Variants in MEF2C observed in about 807,000 individuals in gnomAD.
The protein encoded by MEF2C is myocyte-specific enhancer factor 2C.
Under a neutral mutation model 50.5 loss-of-function variants are expected in MEF2C, and 6 were observed. The ratio of observed to expected loss-of-function variants is 0.12; its 90% confidence interval spans 0.07 to 0.23. The LOEUF (loss-of-function observed/expected upper bound fraction) is 0.23. Among genes scored for constraint, MEF2C ranks in the 10% least tolerant of loss-of-function variants. The pLI is 1.00. For synonymous variants in MEF2C, 183 were observed against 228.0 expected (o/e 0.80, Z 1.78); for missense variants, 276 against 605.0 (o/e 0.46, Z 5.70).
At chr5:88,733,833 C>G (rs1288905646) in intron 6 of MEF2C, 1 of 985,196 alleles carries the variant, frequency 1.0e-6, no homozygotes, top group African/African-American at 1.7e-5. Flanking sequence ...TGTTAAGTGA[C>G]AGGACTCACT....
intron 3 of MEF2C, chr5:88,771,540 T>C: frequency 1.0e-6 from 1 of 985,462 alleles, no homozygotes. Context: ...TTTTTTAACA[T>C]GTCTGCTTCA....
intron 1 of MEF2C, among the ~76,000 whole-genome samples, chr5:88,824,622 T>A (rs1810021352): frequency 6.6e-6 from 1 of 151,916 alleles, no homozygotes; most frequent in Non-Finnish European, 1.5e-5. Flanking sequence ...TCAAAAAAGA[T>A]AAGCATTGAC....
chr5:88,727,819 G>C (rs1427455545), intron 10 of MEF2C, among the ~76,000 whole-genome samples: 1 of 151,878 alleles, frequency 6.6e-6, no homozygotes, highest in Non-Finnish European at 1.5e-5. Context: ...TGTGAATTCA[G>C]AGCTTTTTAA....
chr5:88,845,295 G>C (rs1262926149), intron 1 of MEF2C, among the ~76,000 whole-genome samples: 1 of 152,166 alleles, frequency 6.6e-6, no homozygotes, highest in East Asian at 1.9e-4. Context: ...GGAAGGAAAA[G>C]TTTTTAAATG....
chr5:88,826,757 G>A (rs1811039425), intron 1 of MEF2C, among the ~76,000 whole-genome samples: 2 of 151,932 alleles, frequency 1.3e-5, no homozygotes, highest in African/African-American at 4.8e-5. Flanking sequence ...TAGCCTACAT[G>A]TAGTAAAATT....
intron 10 of MEF2C, among the ~76,000 whole-genome samples, chr5:88,727,772 TA>T (rs1349048102): frequency 6.6e-6 from 1 of 150,882 alleles, no homozygotes; most frequent in Non-Finnish European, 1.5e-5. Flanking sequence ...TAAGCTTTTT[TA>T]AAAAAATGAT....
At chr5:88,824,183 A>G (rs1197864182) in intron 1 of MEF2C, 1 of 954,378 alleles carries the variant, frequency 1.0e-6, no homozygotes, top group Non-Finnish European at 1.2e-6. Context: ...ATGCTTTTTT[A>G]AAGACTAACA....
chr5:88,780,061 C>T (rs1787108987), intron 3 of MEF2C, among the ~76,000 whole-genome samples: 1 of 151,210 alleles, frequency 6.6e-6, no homozygotes, highest in Non-Finnish European at 1.5e-5. Context: ...GCAGGAGAAT[C>T]GTTTGAACTT....
chr5:88,766,356 T>C (rs1206762157), intron 3 of MEF2C, among the ~76,000 whole-genome samples: 1 of 152,232 alleles, frequency 6.6e-6, no homozygotes, highest in Non-Finnish European at 1.5e-5. Context: ...TCTTATGCAG[T>C]GATTAAAACT....
chr5:88,734,561 GTTTGTTTTT>G (rs1763091228), intron 6 of MEF2C: 15 of 254,336 alleles, frequency 5.9e-5, no homozygotes, highest in African/African-American at 1.1e-4. Context: ...CTTGAGAAAA[GTTTGTTTTT>G]TTTTTTTTTT....
chr5:88,761,098 A>G (rs755559456), intron 4 of MEF2C, 87 bp downstream of exon 4: 3 of 1,613,862 alleles, frequency 1.9e-6, no homozygotes, highest in Admixed American at 3.3e-5. Context: ...GGGCTTTCAC[A>G]GCCTTTGTTT....
intron 3 of MEF2C, among the ~76,000 whole-genome samples, chr5:88,777,409 G>A (rs760814917): frequency 6.6e-6 from 1 of 151,968 alleles, no homozygotes; most frequent in Admixed American, 6.5e-5. Context: ...CCAATCTACA[G>A]ATGAAAAAAA....
At chr5:88,732,109 A>C (rs1761935033) in intron 6 of MEF2C, among the ~76,000 whole-genome samples, 1 of 152,176 alleles carries the variant, frequency 6.6e-6, no homozygotes, top group Non-Finnish European at 1.5e-5. Flanking sequence ...TTTTTATGAG[A>C]AGAGAGCCAA....
chr5:88,812,231 T>G (rs1015190298), intron 2 of MEF2C, among the ~76,000 whole-genome samples: 1 of 152,110 alleles, frequency 6.6e-6, no homozygotes, highest in Non-Finnish European at 1.5e-5. Flanking sequence ...TGGGCCATCT[T>G]TTGCTCATTC....
chr5:88,760,854 G>A, intron 4 of MEF2C: 1 of 970,116 alleles, frequency 1.0e-6, no homozygotes, highest in Non-Finnish European at 1.5e-6. Flanking sequence ...TTCTAAATGA[G>A]CTGCCCGTGG....
At chr5:88,811,861 CAT>C (rs1802972601) in intron 2 of MEF2C, among the ~76,000 whole-genome samples, 1 of 151,990 alleles carries the variant, frequency 6.6e-6, no homozygotes, top group Admixed American at 6.6e-5. Flanking sequence ...GAAAGAAAAA[CAT>C]AAAAATTGAA....
rs113059296 is a variant in MEF2C at position 88,803,129 on chromosome 5, T to A, written c.258+1469A>T. ...ATATTTATATGCAAATAAAAAACTA[T>A]CTGAAATGCATAGGTAAATTTTATC... On this transcript the variant is annotated intron_variant, in intron 3 of 10. Coordinates refer to ENST00000504921, the MANE Select transcript of MEF2C (RefSeq NM_002397.5). 7.2e-3 allele frequency among the ~76,000 whole-genome samples: 1,096 copies of A among 152,312 alleles called. 14 individuals carry two copies. The highest frequency in any genetic ancestry group is 0.025 in the African/African-American group (1,053 of 41,556).
rs140081909 is a variant in MEF2C at position 88,741,015 on chromosome 5, C to T, written c.637+8055G>A. On this transcript the variant is annotated intron_variant, in intron 6 of 10. Transcript: ENST00000504921. ...GGTTTTAACATTTACACAACTGCTGCGAACACATCAGAAGTTCATAACGTT... is the reference window on the plus strand; with the variant it reads ...GGTTTTAACATTTACACAACTGCTGTGAACACATCAGAAGTTCATAACGTT... 6.3e-5 allele frequency: 62 copies of T among 985,364 alleles called. No individual in the cohort carries two copies. The East Asian group carries it at 1.0e-3, about 16-fold the overall frequency. The allele number at this position is 985,364 out of a possible 1,614,324, so 61.0% of individuals were successfully genotyped here. A position where few individuals can be genotyped will look rare whatever the true frequency, so the allele number is the denominator to read the frequency against.
intron 2 of MEF2C, among the ~76,000 whole-genome samples, chr5:88,818,807 C>A (rs1806840212): frequency 6.6e-6 from 1 of 151,896 alleles, no homozygotes; most frequent in African/African-American, 2.4e-5. Flanking sequence ...TAAAATAAAA[C>A]CCTCATGAAA....
Sources: gnomAD v4.1 joint callset for allele counts (sites outside exome capture counted in the v4.1 genomes callset) on GRCh38, gnomAD v4.1.1 for gene constraint, MANE v1.5 for transcripts, NCBI Gene and HGNC (gene_info 2026-07-23, HGNC 2026-07-21) for gene names.